SLC11A2: variants seen among roughly 807,000 people sequenced by gnomAD.
SLC11A2 encodes the protein solute carrier family 11 member 2.
In SLC11A2, 38 loss-of-function variants were observed where a neutral mutation model predicts 68.0. That is an observed-to-expected ratio of 0.56 (90% confidence interval 0.43 to 0.73). SLC11A2 has a LOEUF of 0.73. Among genes scored for constraint, SLC11A2 ranks in the 30% least tolerant of loss-of-function variants. The pLI is 0.00. For synonymous variants in SLC11A2, 242 were observed against 250.6 expected (o/e 0.97, Z 0.32); for missense variants, 517 against 690.5 (o/e 0.75, Z 2.82).
At chr12:50,999,723 G>A (rs1004516136) in intron 6 of SLC11A2, among the ~76,000 whole-genome samples, 7 of 152,108 alleles carry the variant, frequency 4.6e-5, no homozygotes, top group African/African-American at 1.4e-4. Context: ...ATCTAGTGGG[G>A]GCTGGGTGTA....
downstream of SLC11A2, chr12:50,980,857 G>A (rs1365715584): frequency 6.6e-6 from 1 of 152,192 alleles, no homozygotes; most frequent in Non-Finnish European, 1.5e-5. Context: ...TCTTATGTCA[G>A]GACTTACAAG....
the SLC11A2 span, among the ~76,000 whole-genome samples, chr12:50,969,131 C>T: frequency 6.6e-6 from 1 of 150,908 alleles, no homozygotes; most frequent in Non-Finnish European, 1.5e-5. Context: ...CCCATCTCTA[C>T]TAAAAATACA....
At chr12:50,970,454 C>T in the SLC11A2 span, 3 of 1,500,454 alleles carry the variant, frequency 2.0e-6, no homozygotes, top group Non-Finnish European at 2.7e-6. Flanking sequence ...GTTCTCTATT[C>T]TATGTATAAG....
chr12:50,992,153 G>C (rs1296948902), intron 13 of SLC11A2, 37 bp downstream of exon 13: 7 of 1,610,542 alleles, frequency 4.3e-6, no homozygotes. Context: ...AATGCTACCT[G>C]AATAACTAGG....
At chr12:51,007,470 G>A (rs1942822122) in intron 3 of SLC11A2, among the ~76,000 whole-genome samples, 1 of 151,922 alleles carries the variant, frequency 6.6e-6, no homozygotes, top group Admixed American at 6.6e-5. Context: ...GAGTAGCTGG[G>A]ATTACAGGCA....
In SLC11A2 at chr12:50,987,231, T is replaced by C. The variant is rs939637159; in HGVS notation, c.*1094A>G. The C allele has an allele frequency of 3.1e-6, 4 of 1,287,052 alleles. No individual in the cohort carries two copies. The African/African-American group carries it at 4.6e-5, about 15-fold the overall frequency. 79.7% of individuals were successfully genotyped at this position (1,287,052 alleles called of 1,614,324 possible). On this transcript the variant is annotated 3_prime_UTR_variant, in exon 16 of 16. Coordinates refer to ENST00000262052, the MANE Select transcript of SLC11A2 (RefSeq NM_000617.3). ...TTCAACTTTGCTGAGACAGTGAACT[T>C]TGCAACCATACTAACACCTACTGAC... is the stretch of plus-strand genomic sequence containing the variant.
chr12:51,028,391 T>G, upstream of SLC11A2: 1 of 528,552 alleles, frequency 1.9e-6, no homozygotes, highest in East Asian at 3.0e-5. Flanking sequence ...CTCCAAAGCC[T>G]AATCAGATTT....
the SLC11A2 span, among the ~76,000 whole-genome samples, chr12:50,958,101 T>C: frequency 6.6e-6 from 1 of 150,854 alleles, no homozygotes; most frequent in East Asian, 2.0e-4. Context: ...CTACCATGCC[T>C]GATCCTGTGT....
chr12:50,994,995 C>T (rs1306452054), intron 10 of SLC11A2: 5 of 308,936 alleles, frequency 1.6e-5, no homozygotes, highest in African/African-American at 4.4e-5. Flanking sequence ...GTTCCATAGA[C>T]GGGAAACAAA....
At chr12:50,961,238 T>G in the SLC11A2 span, 1 of 918,382 alleles carries the variant, frequency 1.1e-6, no homozygotes, top group African/African-American at 1.7e-5. Context: ...TGATCTTCCC[T>G]TAGTTGAGGT....
chr12:51,022,734 CTT>C (rs1482979342), intron 1 of SLC11A2, among the ~76,000 whole-genome samples: 1 of 152,120 alleles, frequency 6.6e-6, no homozygotes, highest in African/African-American at 2.4e-5. Flanking sequence ...TCTTTCTGCT[CTT>C]TGAAACCTGG....
At position 51,005,433 on chromosome 12, in the gene SLC11A2, AGTACT is replaced by A; in HGVS notation, c.184-2_186del. On this transcript the variant is annotated splice_acceptor_variant and coding_sequence_variant, in exon 4 of 16. Transcript: ENST00000262052. LOFTEE classifies it high-confidence loss of function. ...CAGAGTTTACGAAAGCTAAAACAAG[AGTACT>A]GTACAAGAGAGGAAAAGAGATTAAA... is the stretch of plus-strand genomic sequence containing the variant. 6.2e-7 allele frequency: 1 copy of A among 1,613,786 alleles called. No individual in the cohort carries two copies. Among genetic ancestry groups the A allele is most frequent in the Non-Finnish European group, 8.5e-7 (1 of 1,179,782 alleles).
chr12:50,960,849 A>T, the SLC11A2 span: 73 of 653,424 alleles, frequency 1.1e-4, no homozygotes, highest in Non-Finnish European at 1.4e-4. Context: ...TGTGTGGCTA[A>T]TTTTTTTTTT....
the SLC11A2 span, among the ~76,000 whole-genome samples, chr12:50,958,755 G>A: frequency 2.7e-5 from 4 of 150,684 alleles, no homozygotes; most frequent in African/African-American, 9.7e-5. Context: ...AGTGGCTTAC[G>A]CCTGTAATCC....
chr12:51,025,677 G>C, intron 1 of SLC11A2: 2 of 808,648 alleles, frequency 2.5e-6, no homozygotes, highest in Non-Finnish European at 3.0e-6. Flanking sequence ...ACTTACATAT[G>C]TGCAATATCC....
At chr12:50,981,293 CTT>C (rs1210223190), downstream of SLC11A2, 2 of 152,726 alleles carry the variant, frequency 1.3e-5, no homozygotes, top group African/African-American at 4.8e-5. Flanking sequence ...GTTCTCTTTT[CTT>C]TCTCACTTGT....
the SLC11A2 span, among the ~76,000 whole-genome samples, chr12:50,959,795 G>A: frequency 6.6e-6 from 1 of 152,030 alleles, no homozygotes; most frequent in Non-Finnish European, 1.5e-5. Flanking sequence ...TTACAGGCAT[G>A]TACCACCACG....
intron 1 of SLC11A2, among the ~76,000 whole-genome samples, chr12:51,021,894 C>T (rs1433920928): frequency 6.6e-6 from 1 of 152,000 alleles, no homozygotes; most frequent in African/African-American, 2.4e-5. Flanking sequence ...GAAATGTGGC[C>T]AGGCTGTCAA....
chr12:50,991,426 T>C (rs1276667972), intron 14 of SLC11A2, 173 bp downstream of exon 14: 4 of 641,508 alleles, frequency 6.2e-6, no homozygotes, highest in Non-Finnish European at 1.1e-5. Flanking sequence ...GTGCTTTCTC[T>C]TCCTTTACTA....
Sources: allele counts gnomAD v4.1 joint callset (sites outside exome capture counted in the v4.1 genomes callset), GRCh38; gene constraint gnomAD v4.1.1; transcripts MANE v1.5; gene names NCBI Gene and HGNC (gene_info 2026-07-23, HGNC 2026-07-21).